CFAP58: variants seen among roughly 807,000 people sequenced by gnomAD.
The protein encoded by CFAP58 is cilia- and flagella-associated protein 58.
Under a neutral mutation model 119.5 loss-of-function variants are expected in CFAP58, and 88 were observed. That is an observed-to-expected ratio of 0.74 (90% CI 0.62 to 0.88). The LOEUF (loss-of-function observed/expected upper bound fraction) is 0.88, where lower values mean the gene tolerates loss of function less well. Among genes scored for constraint, CFAP58 ranks in the 40% least tolerant of loss-of-function variants. The pLI is 0.00. For missense variants in CFAP58, 990 were observed against 1,021.2 expected, an observed-to-expected ratio of 0.97 and a Z score of 0.42; for synonymous variants, 365 against 366.3, an observed-to-expected ratio of 1.00 and a Z score of 0.04.
chr10:104,446,480 G>C (rs1182810681), intron 15 of CFAP58, among the ~76,000 whole-genome samples: 2 of 152,206 alleles, frequency 1.3e-5, no homozygotes, highest in African/African-American at 4.8e-5. Flanking sequence ...ACAATGACTA[G>C]TTAATGATTT....
Position 104,447,583 on chromosome 10 carries a change from T to C in CFAP58, c.2257-115T>C, listed in dbSNP as rs1589939616. On this transcript the variant is annotated intron_variant, in intron 15 of 17. Transcript: ENST00000369704. ...AATCTGTGAGTGAATGTGATCACTGTGGAGCTGTGAAGTAGCTTGGGCCAC... is the reference window on the plus strand; with the variant it reads ...AATCTGTGAGTGAATGTGATCACTGCGGAGCTGTGAAGTAGCTTGGGCCAC... 6 of 1,231,200 alleles carry C rather than the reference T, an allele frequency of 4.9e-6. No homozygotes were observed. The East Asian group carries it at 9.4e-5, about 19-fold the overall frequency. 76.3% of individuals were successfully genotyped at this position (1,231,200 alleles called of 1,614,324 possible). A position where few individuals can be genotyped will look rare whatever the true frequency, so the allele number is the denominator to read the frequency against.
the CFAP58 span, among the ~76,000 whole-genome samples, chr10:104,345,459 C>T: frequency 2.0e-5 from 3 of 152,082 alleles, no homozygotes; most frequent in Non-Finnish European, 4.4e-5. Flanking sequence ...CTTTCACCTT[C>T]CTTTAGTCAC....
At chr10:104,428,217 C>T (rs545102845) in intron 15 of CFAP58, among the ~76,000 whole-genome samples, 2 of 152,160 alleles carry the variant, frequency 1.3e-5, no homozygotes, top group South Asian at 4.1e-4. Flanking sequence ...TCAGCATCCG[C>T]CAGGAGAAGC....
At chr10:104,411,016 T>C (rs1304236709) in intron 15 of CFAP58, among the ~76,000 whole-genome samples, 1 of 152,176 alleles carries the variant, frequency 6.6e-6, no homozygotes, top group Non-Finnish European at 1.5e-5. Flanking sequence ...CTTGGCGCAC[T>C]GCAACCTCCG....
chr10:104,373,146 A>G (rs2014846004), intron 7 of CFAP58, among the ~76,000 whole-genome samples: 1 of 152,206 alleles, frequency 6.6e-6, no homozygotes, highest in African/African-American at 2.4e-5. Flanking sequence ...AAGTAATAAA[A>G]TATCTGTGAA....
intron 15 of CFAP58, among the ~76,000 whole-genome samples, chr10:104,438,360 T>TGA (rs1564904842): frequency 1.2e-5 from 1 of 85,358 alleles, no homozygotes; most frequent in African/African-American, 4.1e-5. Flanking sequence ...TTTTTTTTTT[T>TGA]GTTTTTTTTT....
chr10:104,448,122 T>C (rs2013139374), intron 16 of CFAP58, among the ~76,000 whole-genome samples: 1 of 152,166 alleles, frequency 6.6e-6, no homozygotes, highest in South Asian at 2.1e-4. Context: ...CTTGAGATGA[T>C]TTATTAGAGT....
At chr10:104,402,456 A>G (rs56131332) in intron 13 of CFAP58, among the ~76,000 whole-genome samples, 22,359 of 152,212 alleles carry the variant, frequency 0.15, 1,838 homozygotes, top group Middle Eastern at 0.31. Context: ...ATTAAGTAAA[A>G]GAGATGGCTT....
chr10:104,423,544 GTT>G (rs33943621), intron 15 of CFAP58, among the ~76,000 whole-genome samples: 10 of 146,084 alleles, frequency 6.8e-5, no homozygotes, highest in South Asian at 4.3e-4. Flanking sequence ...TTAAACAGGA[GTT>G]TTTTTTTTTT....
At chr10:104,454,365 G>A (rs1176408574) in intron 17 of CFAP58, 57 bp from the exon 18 acceptor site, 2 of 1,369,816 alleles carry the variant, frequency 1.5e-6, no homozygotes, top group African/African-American at 2.9e-5. Flanking sequence ...ATTATCAAAT[G>A]TCAAACTTAG....
At chr10:104,348,643 G>C in the CFAP58 span, among the ~76,000 whole-genome samples, 2 of 152,158 alleles carry the variant, frequency 1.3e-5, no homozygotes, top group African/African-American at 4.8e-5. Context: ...ACCTGATAGG[G>C]ACCTCACCCT....
At chr10:104,452,523 C>T (rs1170304724) in intron 17 of CFAP58, among the ~76,000 whole-genome samples, 3 of 152,198 alleles carry the variant, frequency 2.0e-5, no homozygotes, top group African/African-American at 7.2e-5. Context: ...ATCTTGCTCC[C>T]TCTCCTGCCC....
At position 104,396,369 on chromosome 10, in the gene CFAP58, TGAGAGA is replaced by T. The variant is rs57210958; in HGVS notation, c.1675-2926_1675-2921del. On this transcript the variant is annotated intron_variant, in intron 11 of 17. Transcript: ENST00000369704. ...GCCATGGATAGGGAGCTGTTATCCATGAGAGAGAGAGAGAGAGAGAGAGAGAGAGAG... is the reference window on the plus strand; with the variant it reads ...GCCATGGATAGGGAGCTGTTATCCATGAGAGAGAGAGAGAGAGAGAGAGAG... Among the ~76,000 whole-genome samples, 122 of 86,830 alleles carry T rather than the reference TGAGAGA, an allele frequency of 1.4e-3. 2 individuals carry two copies. Among genetic ancestry groups the T allele is most frequent in the Middle Eastern group, 5.8e-3 (1 of 172 alleles). 57.0% of individuals were successfully genotyped at this position (86,830 alleles called of 152,430 possible). A position where few individuals can be genotyped will look rare whatever the true frequency, so the allele number is the denominator to read the frequency against.
chr10:104,368,413 T>C lies in CFAP58; in HGVS notation c.793-10T>C. ...AAAAAGCATTAACCAGCTCATTCCA[T>C]CCCTTTCAGATATTGAATGAGAGAG... On this transcript the variant is annotated splice_polypyrimidine_tract_variant and intron_variant, in intron 5 of 17. Coordinates refer to ENST00000369704, the MANE Select transcript of CFAP58 (RefSeq NM_001008723.2). The C allele has an allele frequency of 1.2e-6, 2 of 1,613,434 alleles. No individual in the cohort carries two copies. The highest frequency in any genetic ancestry group is 1.7e-6 in the Non-Finnish European group (2 of 1,179,712).
At chr10:104,377,342 G>T (rs1369640424) in intron 8 of CFAP58, among the ~76,000 whole-genome samples, 1 of 152,172 alleles carries the variant, frequency 6.6e-6, no homozygotes, top group Non-Finnish European at 1.5e-5. Context: ...TCTTTTCAGG[G>T]TTGCTGTAGG....
intron 15 of CFAP58, among the ~76,000 whole-genome samples, chr10:104,431,820 T>C (rs1269450352): frequency 6.6e-6 from 1 of 152,244 alleles, no homozygotes; most frequent in Non-Finnish European, 1.5e-5. Flanking sequence ...TAGATTTATA[T>C]ACATGGTATT....
chr10:104,404,770 C>T (rs550794036), intron 14 of CFAP58, among the ~76,000 whole-genome samples: 7 of 152,252 alleles, frequency 4.6e-5, no homozygotes, highest in Middle Eastern at 3.4e-3. Flanking sequence ...CCACCATGCC[C>T]GGCTAATTTT....
rs1281826647 is a variant in CFAP58, at chr10:104,411,099, C to T, written c.2256+4306C>T. 2.6e-5 allele frequency among the ~76,000 whole-genome samples: 4 copies of T among 152,040 alleles called. No homozygotes were observed. In the East Asian group the frequency reaches 7.7e-4, roughly 29 times the overall value. On this transcript the variant is annotated intron_variant, in intron 15 of 17. Coordinates refer to ENST00000369704, the MANE Select transcript of CFAP58 (RefSeq NM_001008723.2). ...GGATTACAGGCATCCACCACAACGC[C>T]CAGCTAATTTTTGTATTTTTAGTAG... is the stretch of plus-strand genomic sequence containing the variant.
At chr10:104,449,464 A>G (rs1448888818) in intron 16 of CFAP58, among the ~76,000 whole-genome samples, 1 of 152,128 alleles carries the variant, frequency 6.6e-6, no homozygotes, top group South Asian at 2.1e-4. Context: ...CTTCTTGTCC[A>G]GCCCAAGCCC....
Sources: gnomAD v4.1 joint callset for allele counts (sites outside exome capture counted in the v4.1 genomes callset) on GRCh38, gnomAD v4.1.1 for gene constraint, MANE v1.5 for transcripts, NCBI Gene and HGNC (gene_info 2026-07-23, HGNC 2026-07-21) for gene names.